Variants in HNRNPUL1 observed in about 807,000 individuals in gnomAD.
HNRNPUL1 encodes heterogeneous nuclear ribonucleoprotein U like 1, also known as heterogeneous nuclear ribonucleoprotein U-like protein 1.
HNRNPUL1 carries 14 observed loss-of-function variants against 108.5 expected under a neutral mutation model. The observed-to-expected ratio is 0.13, with a 90% confidence interval of 0.09 to 0.20. HNRNPUL1 has a LOEUF of 0.20. Ranked by LOEUF, HNRNPUL1 falls within the 10% of genes least tolerant of loss-of-function variation. The pLI is 1.00. For missense variants in HNRNPUL1, 804 were observed against 1,168.3 expected, an observed-to-expected ratio of 0.69 and a Z score of 4.55; for synonymous variants, 422 against 445.2, an observed-to-expected ratio of 0.95 and a Z score of 0.66.
rs755166581 is a variant in HNRNPUL1 at position 41,264,773 on chromosome 19, C to T, written c.270C>T (p.Gly90=). ...PPGLQPHAEP[G]GYSGPDGHYA... ...GGCTGCAGCCGCACGCGGAGCCCGG[C>T]GGCTACTCGGGGCCGGACGGACATT... Residue 90 remains glycine (G), a synonymous_variant, in exon 1 of 15, where the codon GGC becomes GGT. Coordinates refer to ENST00000392006, the MANE Select transcript of HNRNPUL1 (RefSeq NM_007040.6). The T allele has an allele frequency of 1.0e-4, 143 of 1,371,506 alleles. No individual in the cohort carries two copies. The highest frequency in any genetic ancestry group is 2.7e-4 in the Middle Eastern group (1 of 3,750). The allele number at this position is 1,371,506 out of a possible 1,614,324, so 85.0% of individuals were successfully genotyped here.
intron 7 of HNRNPUL1, among the ~76,000 whole-genome samples, chr19:41,283,004 A>G (rs1481785753): frequency 3.3e-5 from 5 of 152,202 alleles, no homozygotes; most frequent in South Asian, 2.1e-4. Flanking sequence ...ATTTTTTTCA[A>G]TAAATATATT....
At position 41,294,647 on chromosome 19, in the gene HNRNPUL1, G is replaced by A; in HGVS notation, c.1479G>A (p.Gln493=). 7.4e-6 allele frequency: 12 copies of A among 1,614,208 alleles called. No individual in the cohort carries two copies. The highest frequency in any genetic ancestry group is 1.0e-5 in the Non-Finnish European group (12 of 1,180,042). The part of the protein sequence containing the change: ...QATQCLNRLI[Q]IAARKKRNYI... Reference sequence around the variant, plus strand: ...CCCAGTGCCTCAACCGCCTCATCCAGATTGCTGCCCGCAAGAAACGCAACT... The same window carrying A: ...CCCAGTGCCTCAACCGCCTCATCCAAATTGCTGCCCGCAAGAAACGCAACT... The change falls in exon 10 of 15, where the codon CAG becomes CAA. Residue 493 remains glutamine (Q), a synonymous_variant. Transcript: ENST00000392006. The surrounding 1 kb of genome is among the most constrained non-coding windows in gnomAD (Gnocchi z 4.3).
At chr19:41,283,741 G>A (rs571765539) in intron 7 of HNRNPUL1, among the ~76,000 whole-genome samples, 1 of 152,138 alleles carries the variant, frequency 6.6e-6, no homozygotes, top group East Asian at 1.9e-4. Flanking sequence ...CCAAGTGTGA[G>A]CCACTGCACC....
intron 2 of HNRNPUL1, among the ~76,000 whole-genome samples, chr19:41,271,198 G>A (rs1568430240): frequency 6.6e-6 from 1 of 152,198 alleles, no homozygotes; most frequent in Non-Finnish European, 1.5e-5. Context: ...GACATTTCTT[G>A]TGGGTGGCTC....
intron 5 of HNRNPUL1, among the ~76,000 whole-genome samples, chr19:41,277,594 C>T (rs936863880): frequency 1.3e-5 from 2 of 152,166 alleles, no homozygotes; most frequent in Non-Finnish European, 2.9e-5. Flanking sequence ...GCAACCTCTG[C>T]CTCCCGGGTT....
chr19:41,282,371 G>A (rs1041841772), intron 7 of HNRNPUL1, among the ~76,000 whole-genome samples: 14 of 152,144 alleles, frequency 9.2e-5, no homozygotes, highest in Middle Eastern at 3.4e-3. Context: ...TAGTAGAGAC[G>A]GGGTTTCTCC....
In HNRNPUL1 at chr19:41,306,441, T is replaced by C; in HGVS notation, c.2455-8T>C. 6.4e-7 allele frequency: 1 copy of C among 1,563,162 alleles called. No homozygotes were observed. Among genetic ancestry groups the C allele is most frequent in the Non-Finnish European group, 8.7e-7 (1 of 1,155,990 alleles). On this transcript the variant is annotated splice_polypyrimidine_tract_variant and splice_region_variant and intron_variant, in intron 14 of 14. Coordinates refer to ENST00000392006, the MANE Select transcript of HNRNPUL1 (RefSeq NM_007040.6). ...GGACAACTTGGTGTTCTTGGTTTCT[T>C]TCCCCAGTATGCCCAGCAGTGGAAC... is the stretch of plus-strand genomic sequence containing the variant.
At chr19:41,285,235 T>C (rs1437157930) in intron 7 of HNRNPUL1, among the ~76,000 whole-genome samples, 1 of 152,094 alleles carries the variant, frequency 6.6e-6, no homozygotes, top group Non-Finnish European at 1.5e-5. Context: ...TAAGGTATAA[T>C]TGAAGAGAAG....
At chr19:41,301,393 AAGAAGAGCTGTTTCCT>A (rs2037202449) in intron 10 of HNRNPUL1, 127 bp from the exon 11 acceptor site, 2 of 656,172 alleles carry the variant, frequency 3.0e-6, no homozygotes, top group Non-Finnish European at 5.0e-6. Context: ...CTTCTAAGTA[AAGAAGAGCTGTTTCCT>A]GAGTTTCTCT....
chr19:41,285,448 G>A (rs914002915), intron 7 of HNRNPUL1, among the ~76,000 whole-genome samples: 5 of 152,012 alleles, frequency 3.3e-5, no homozygotes, highest in Non-Finnish European at 5.9e-5. Flanking sequence ...CAAGCAATCC[G>A]CCCTCCTTGA....
intron 7 of HNRNPUL1, among the ~76,000 whole-genome samples, chr19:41,283,236 T>C (rs1201880296): frequency 6.6e-6 from 1 of 152,164 alleles, no homozygotes; most frequent in Non-Finnish European, 1.5e-5. Context: ...CATTCACAGT[T>C]GAGAGAAATG....
chr19:41,275,291 T>A (rs1448612742), intron 4 of HNRNPUL1, among the ~76,000 whole-genome samples: 3 of 152,070 alleles, frequency 2.0e-5, no homozygotes, highest in Non-Finnish European at 4.4e-5. Context: ...AAAACTAGTT[T>A]GAGCCTGGGT....
intron 7 of HNRNPUL1, 129 bp downstream of exon 7, chr19:41,281,404 G>T: frequency 1.6e-6 from 1 of 634,186 alleles, no homozygotes; most frequent in Non-Finnish European, 2.8e-6. Context: ...GTCTCTGCTT[G>T]ACAGACTGGA....
intron 7 of HNRNPUL1, among the ~76,000 whole-genome samples, chr19:41,289,133 G>A (rs2036431403): frequency 1.3e-5 from 2 of 152,118 alleles, no homozygotes; most frequent in African/African-American, 4.8e-5. Flanking sequence ...CTTTTGGTAT[G>A]TGGCAGTATG....
At chr19:41,264,822 CG>C (rs1379704657) in intron 1 of HNRNPUL1, 24 bp downstream of exon 1, 3 of 1,338,412 alleles carry the variant, frequency 2.2e-6, no homozygotes, top group African/African-American at 3.1e-5. Flanking sequence ...GGGCGGGGGC[CG>C]GGGAGCCCGG....
chr19:41,270,627 G>A (rs895250845), intron 2 of HNRNPUL1, among the ~76,000 whole-genome samples: 4 of 119,586 alleles, frequency 3.3e-5, no homozygotes, highest in East Asian at 2.5e-4. Context: ...ATGGAGTCTC[G>A]CTCTGTTGCC....
chr19:41,278,765 G>A (rs1035206419), intron 5 of HNRNPUL1, among the ~76,000 whole-genome samples: 1 of 152,072 alleles, frequency 6.6e-6, no homozygotes, highest in African/African-American at 2.4e-5. Flanking sequence ...AGTTTTGATA[G>A]AGACTTCTAG....
At chr19:41,282,128 T>C (rs1289613527) in intron 7 of HNRNPUL1, among the ~76,000 whole-genome samples, 1 of 152,198 alleles carries the variant, frequency 6.6e-6, no homozygotes, top group Non-Finnish European at 1.5e-5. Context: ...CTGAAGCTTA[T>C]TCTTTTGCCT....
intron 7 of HNRNPUL1, among the ~76,000 whole-genome samples, chr19:41,290,489 C>T (rs929765990): frequency 6.6e-6 from 1 of 152,102 alleles, no homozygotes; most frequent in Non-Finnish European, 1.5e-5. Flanking sequence ...AATTAGAGTC[C>T]CTCACATGCC....
Sources: gnomAD v4.1 joint callset for allele counts (sites outside exome capture counted in the v4.1 genomes callset) on GRCh38, gnomAD v4.1.1 for gene constraint, Gnocchi (gnomAD v3.1) non-coding constraint, MANE v1.5 for transcripts, NCBI Gene and HGNC (gene_info 2026-07-23, HGNC 2026-07-21) for gene names.